ELAPOR1: variants seen among roughly 807,000 people sequenced by gnomAD.
The protein encoded by ELAPOR1 is endosome-lysosome associated apoptosis and autophagy regulator 1.
Under a neutral mutation model 119.7 loss-of-function variants are expected in ELAPOR1, and 77 were observed. The ratio of observed to expected loss-of-function variants is 0.64; its 90% CI spans 0.54 to 0.78. The LOEUF (loss-of-function observed/expected upper bound fraction) is 0.78, where lower values mean the gene tolerates loss of function less well. Ranked by LOEUF, ELAPOR1 falls within the 30% of genes least tolerant of loss-of-function variation. ELAPOR1 has a pLI of 0.00. For synonymous variants in ELAPOR1, 481 were observed against 487.2 expected (o/e 0.99, Z 0.17); for missense variants, 1,115 against 1,270.4 (o/e 0.88, Z 1.86).
intron 1 of ELAPOR1, among the ~76,000 whole-genome samples, chr1:109,150,648 G>A (rs564020323): frequency 1.3e-5 from 2 of 152,282 alleles, no homozygotes; most frequent in African/African-American, 4.8e-5. Flanking sequence ...AACATTTTTG[G>A]TGTGTGAAAT....
intron 3 of ELAPOR1, among the ~76,000 whole-genome samples, chr1:109,165,748 CTTT>C (rs757259868): frequency 7.4e-6 from 1 of 135,418 alleles, no homozygotes; most frequent in Non-Finnish European, 1.6e-5. Flanking sequence ...TCTTCTTCTT[CTTT>C]TTTTTTTTTT....
chr1:109,142,521 G>A (rs1649892667), intron 1 of ELAPOR1, among the ~76,000 whole-genome samples: 1 of 152,236 alleles, frequency 6.6e-6, no homozygotes, highest in African/African-American at 2.4e-5. Flanking sequence ...AGCACAGTCA[G>A]ATCTTGTGAT....
chr1:109,159,584 G>T (rs1651118233), intron 1 of ELAPOR1, among the ~76,000 whole-genome samples: 1 of 152,174 alleles, frequency 6.6e-6, no homozygotes, highest in Non-Finnish European at 1.5e-5. Flanking sequence ...GTTAAATTTG[G>T]CCCTGTGTGA....
intron 7 of ELAPOR1, among the ~76,000 whole-genome samples, chr1:109,177,245 C>T (rs534041091): frequency 6.8e-6 from 1 of 146,390 alleles, no homozygotes; most frequent in South Asian, 2.2e-4. Flanking sequence ...CTGACCCCCC[C>T]ACCTCCCTCC....
intron 15 of ELAPOR1, among the ~76,000 whole-genome samples, chr1:109,194,833 T>C (rs997187503): frequency 2.0e-5 from 3 of 152,154 alleles, no homozygotes; most frequent in African/African-American, 4.8e-5. Flanking sequence ...GGGTGCCTGG[T>C]GCGGTGGCTC....
intron 8 of ELAPOR1, among the ~76,000 whole-genome samples, 196 bp downstream of exon 8, chr1:109,185,329 T>C (rs1478790207): frequency 6.6e-6 from 1 of 152,144 alleles, no homozygotes; most frequent in African/African-American, 2.4e-5. Context: ...GGTCAGAAAC[T>C]GTTTTTGCAG....
intron 21 of ELAPOR1, 149 bp downstream of exon 21, chr1:109,201,049 G>T: frequency 1.3e-6 from 1 of 790,596 alleles, no homozygotes; most frequent in Middle Eastern, 3.7e-4. Flanking sequence ...TGAAAATCCT[G>T]CCTTCTCCTT....
At chr1:109,176,606 C>CTTTTTTTTTTT (rs1166255748) in intron 7 of ELAPOR1, among the ~76,000 whole-genome samples, 3 of 127,792 alleles carry the variant, frequency 2.3e-5, no homozygotes, top group Non-Finnish European at 3.4e-5. Flanking sequence ...CTTTTTTTTT[C>CTTTTTTTTTTT]TTTTTTTTTT....
At chr1:109,183,586 T>C (rs12750636) in intron 7 of ELAPOR1, among the ~76,000 whole-genome samples, 85 of 12,092 alleles carry the variant, frequency 7.0e-3, no homozygotes, top group South Asian at 0.015. Context: ...CCTTCCTTCC[T>C]TCCTTCCTTC....
Position 109,194,439 on chromosome 1 carries a change from A to G in ELAPOR1, c.1966A>G (p.Asn656Asp), listed in dbSNP as rs757082222. The G allele has an allele frequency of 6.2e-7, 1 of 1,613,802 alleles. No homozygotes were observed. Among genetic ancestry groups the G allele is most frequent in the Non-Finnish European group, 8.5e-7 (1 of 1,179,736 alleles). ...KNNKIHSLCY[N>D]DCTFSRNTPT... The stretch of plus-strand genomic sequence containing the variant: ...CCCTCAGATCCACTCTCTGTGCTAC[A>G]ACGATTGCACCTTCTCACGCAACAC... The change falls in exon 15 of 22, where the codon AAC becomes GAC. Residue 656 changes from asparagine (N) to aspartate (D), a missense_variant. Coordinates refer to ENST00000369939, the MANE Select transcript of ELAPOR1 (RefSeq NM_020775.5).
rs151029983 is a variant in ELAPOR1, at chr1:109,191,617, G to GT, written c.1546-106dup. 2,793 of 1,490,956 alleles carry GT rather than the reference G, an allele frequency of 1.9e-3. 45 individuals are homozygous for GT. The African/African-American group carries it at 0.034, about 18-fold the overall frequency. 92.4% of individuals were successfully genotyped at this position (1,490,956 alleles called of 1,614,324 possible). A position where few individuals can be genotyped will look rare whatever the true frequency, so the allele number is the denominator to read the frequency against. On this transcript the variant is annotated intron_variant, in intron 12 of 21. Transcript: ENST00000369939. ...CAGACTGACCAGCAGGGACTTCACA[G>GT]TTTAACAAGGGTCTCACCAACCGTG...
rs537224784 is a variant in ELAPOR1 at position 109,135,313 on chromosome 1, G to A, written c.153+20977G>A. Among the ~76,000 whole-genome samples, 13 of 152,026 alleles carry A rather than the reference G, an allele frequency of 8.6e-5. No individual in the cohort carries two copies. The South Asian group carries it at 1.9e-3, about 22-fold the overall frequency. On this transcript the variant is annotated intron_variant, in intron 1 of 21. Transcript: ENST00000369939. ...GGCTAGAGTGAAGTTGCGGGATCTC[G>A]GCTCACTGCAACTTCCACCTCCTGG...
At chr1:109,161,325 G>A (rs889769110) in intron 1 of ELAPOR1, among the ~76,000 whole-genome samples, 6 of 148,302 alleles carry the variant, frequency 4.0e-5, no homozygotes, top group African/African-American at 1.3e-4. Context: ...CAGGAGAATC[G>A]CTTGAACCCA....
At chr1:109,189,235 C>A in intron 10 of ELAPOR1, 41 bp downstream of exon 10, 3 of 1,599,570 alleles carry the variant, frequency 1.9e-6, no homozygotes, top group Non-Finnish European at 2.6e-6. Context: ...CAGCTCCCTG[C>A]ACACCCTCAG....
chr1:109,132,110 T>G (rs1214232610), intron 1 of ELAPOR1, among the ~76,000 whole-genome samples: 1 of 152,270 alleles, frequency 6.6e-6, no homozygotes, highest in East Asian at 1.9e-4. Flanking sequence ...TCTTTGTGTA[T>G]ATGAACTTAT....
In ELAPOR1 at chr1:109,197,539, G is replaced by T. The variant is rs1653888825; in HGVS notation, c.2187G>T (p.Gly729=). The T allele has an allele frequency of 6.2e-7, 1 of 1,614,036 alleles. No homozygotes were observed. The highest frequency in any genetic ancestry group is 8.5e-7 in the Non-Finnish European group (1 of 1,180,034). The part of the protein sequence containing the change: ...TDLRIPEGES[G]FSKSITAYVC... ...TCCGGATTCCTGAGGGTGAGTCAGG[G>T]TTCTCCAAATCTATCACAGCCTACG... The change falls in exon 16 of 22, where the codon GGG becomes GGT. Residue 729 remains glycine (G), a synonymous_variant. Transcript: ENST00000369939.
chr1:109,189,455 T>C (rs1653287901), intron 10 of ELAPOR1, 137 bp from the exon 11 acceptor site: 1 of 859,698 alleles, frequency 1.2e-6, no homozygotes, highest in Non-Finnish European at 1.8e-6. Context: ...GCAGGATAAG[T>C]AACACGGTTC....
chr1:109,199,318 G>T lies in ELAPOR1; in HGVS notation c.2502-536G>T, dbSNP rs142193097. Among the ~76,000 whole-genome samples the T allele has an allele frequency of 1.7e-3, 258 of 152,310 alleles. 1 individual carries two copies. The highest frequency in any genetic ancestry group is 6.0e-3 in the African/African-American group (250 of 41,568). ...TTGAGGAAGACGTTTTGGATATGCT[G>T]CGCCTAAACTGACTGGGGAGATGGG... On this transcript the variant is annotated intron_variant, in intron 18 of 21. Transcript: ENST00000369939.
chr1:109,155,433 CT>C (rs1650819844), intron 1 of ELAPOR1, among the ~76,000 whole-genome samples: 1 of 152,158 alleles, frequency 6.6e-6, no homozygotes, highest in African/African-American at 2.4e-5. Context: ...TCGCCTTGGC[CT>C]CCCAAAGTGC....
Sources: allele counts gnomAD v4.1 joint callset (sites outside exome capture counted in the v4.1 genomes callset), GRCh38; gene constraint gnomAD v4.1.1; transcripts MANE v1.5; gene names NCBI Gene and HGNC (gene_info 2026-07-23, HGNC 2026-07-21).